Variants in ACTN3 observed in about 807,000 individuals in gnomAD.
ACTN3 encodes the protein actinin alpha 3, also known as alpha-actinin-3.
A neutral mutation model predicts 119.6 loss-of-function variants in ACTN3; 91 were observed. That is an observed-to-expected ratio of 0.76 (90% CI 0.64 to 0.91). ACTN3 has a LOEUF of 0.91. Ranked by LOEUF, ACTN3 falls within the 40% of genes least tolerant of loss-of-function variation. ACTN3 has a pLI of 0.00. For synonymous variants in ACTN3, 456 were observed against 478.8 expected, an observed-to-expected ratio of 0.95 and a Z score of 0.62; for missense variants, 1,221 against 1,215.1, an observed-to-expected ratio of 1.00 and a Z score of -0.07.
At chr11:66,561,884 G>T in intron 17 of ACTN3, 138 bp from the exon 18 acceptor site, 1 of 1,120,906 alleles carries the variant, frequency 8.9e-7, no homozygotes, top group Non-Finnish European at 1.3e-6. Flanking sequence ...GGGTTACTCA[G>T]TGGAGCCTCC....
intron 14 of ACTN3, 26 bp downstream of exon 14, chr11:66,560,337 G>C (rs1291896452): frequency 1.2e-6 from 2 of 1,602,232 alleles, no homozygotes; most frequent in Admixed American, 3.4e-5. Context: ...GCAGGGGATG[G>C]ATAGGATGAC....
At chr11:66,546,671 G>A (rs770190734), upstream of ACTN3, 7 of 1,532,070 alleles carry the variant, frequency 4.6e-6, no homozygotes, top group South Asian at 8.3e-5. Context: ...GATTTCTCAA[G>A]GTCACACAGC....
At chr11:66,559,609 G>C (rs1156843302) in intron 12 of ACTN3, among the ~76,000 whole-genome samples, 1 of 144,338 alleles carries the variant, frequency 6.9e-6, no homozygotes, top group African/African-American at 2.6e-5. Context: ...CGCTTGACCT[G>C]TCTCACTCCG....
At position 66,562,278 on chromosome 11, in the gene ACTN3, C is replaced by T; in HGVS notation, c.2344C>T (p.Pro782Ser). The T allele has an allele frequency of 1.2e-6, 2 of 1,613,686 alleles. No homozygotes were observed. Among genetic ancestry groups the T allele is most frequent in the Non-Finnish European group, 1.7e-6 (2 of 1,179,860 alleles). Residue 782 changes from proline (P) to serine (S), a missense_variant, in exon 19 of 21, where the codon CCT becomes TCT. Transcript: ENST00000513398. ...ACAGAAGCAGAATGGGATGATGGAG[C>T]CTGATGACTTCCGAGCTTGCCTCAT... The part of the protein sequence containing the change: ...FDRKQNGMME[P>S]DDFRACLISM...
Position 66,557,053 on chromosome 11 carries a change from G to T in ACTN3, c.805-80G>T, listed in dbSNP as rs191338154. 3,572 of 1,306,462 alleles carry T rather than the reference G, an allele frequency of 2.7e-3. 9 individuals carry two copies. The highest frequency in any genetic ancestry group is 6.3e-3 in the Admixed American group (299 of 47,752). The allele number at this position is 1,306,462 out of a possible 1,614,324, so 80.9% of individuals were successfully genotyped here. A position where few individuals can be genotyped will look rare whatever the true frequency, so the allele number is the denominator to read the frequency against. The stretch of plus-strand genomic sequence containing the variant: ...TGGGATTACAGGCGTGAGCCACCGC[G>T]CTCGGCGGGGCTCTGGGTTTTAAGG... On this transcript the variant is annotated intron_variant, in intron 8 of 20. Transcript: ENST00000513398.
chr11:66,559,509 C>T (rs1857692135), intron 12 of ACTN3, 123 bp downstream of exon 12: 5 of 1,030,874 alleles, frequency 4.9e-6, no homozygotes, highest in Middle Eastern at 3.2e-4. Context: ...GTAACCCCGC[C>T]GTGGTACCCA....
chr11:66,556,294 C>A, intron 8 of ACTN3, 64 bp downstream of exon 8: 5 of 1,533,920 alleles, frequency 3.3e-6, no homozygotes, highest in Non-Finnish European at 4.5e-6. Flanking sequence ...TGGCTGTAGT[C>A]CAACATTGGA....
intron 3 of ACTN3, among the ~76,000 whole-genome samples, chr11:66,551,911 A>C (rs1420908761): frequency 3.3e-5 from 5 of 151,996 alleles, no homozygotes; most frequent in Admixed American, 3.3e-4. Context: ...CCCTATTTCT[A>C]CTAAAAATAC....
At chr11:66,552,880 TCA>T (rs4013815) in intron 3 of ACTN3, among the ~76,000 whole-genome samples, 12,418 of 114,100 alleles carry the variant, frequency 0.11, 623 homozygotes, top group African/African-American at 0.17. Flanking sequence ...TCTCTCTCTC[TCA>T]CACACACACA....
rs775568184 is a variant in ACTN3 at position 66,562,836 on chromosome 11, C to G, written c.2429C>G (p.Pro810Arg). The change falls in exon 20 of 21, where the codon CCC becomes CGC. Residue 810 changes from proline (P) to arginine (R), a missense_variant. By Grantham distance (103) the Pro-to-Arg change is moderately radical (BLOSUM62 -2). This residue lies in a region of ACTN3 where 934 missense variants were observed against 899.9 expected (regional missense o/e 1.04). Transcript: ENST00000513398. The stretch of plus-strand genomic sequence containing the variant: ...GCTCGCATCATGACCATGGTGGACC[C>G]CAACGCAGCTGGGGTGGTGACCTTC... ...EFARIMTMVD[P>R]NAAGVVTFQA... is the part of the protein sequence containing the mutation. 3 of 1,613,650 alleles carry G rather than the reference C, an allele frequency of 1.9e-6. No homozygotes were observed. Among genetic ancestry groups the G allele is most frequent in the South Asian group, 2.2e-5 (2 of 91,054 alleles).
Position 66,563,314 on chromosome 11 carries a change from C to A in ACTN3, c.*121C>A. 7.9e-7 allele frequency: 1 copy of A among 1,266,788 alleles called. No individual in the cohort carries two copies. The highest frequency in any genetic ancestry group is 1.1e-6 in the Non-Finnish European group (1 of 944,088). The allele number at this position is 1,266,788 out of a possible 1,614,324, so 78.5% of individuals were successfully genotyped here. A position where few individuals can be genotyped will look rare whatever the true frequency, so the allele number is the denominator to read the frequency against. ...CAGCCAAGTGCTTCTGAATAAAGAT[C>A]CCTCTCTGGGTCTCTCCCCATCTCC... On this transcript the variant is annotated 3_prime_UTR_variant, in exon 21 of 21. Transcript: ENST00000513398.
At chr11:66,548,036 CA>C (rs1857398377) in intron 1 of ACTN3, among the ~76,000 whole-genome samples, 1 of 152,154 alleles carries the variant, frequency 6.6e-6, no homozygotes. Context: ...ACTATGAGGC[CA>C]TTGGACCCTG....
chr11:66,557,086 A>G (rs964072661), intron 8 of ACTN3, 47 bp from the exon 9 acceptor site: 1 of 1,530,882 alleles, frequency 6.5e-7, no homozygotes, highest in Non-Finnish European at 8.8e-7. Context: ...AGGGCTTTAC[A>G]GAAGCAATTT....
chr11:66,563,328 C>T lies in ACTN3; in HGVS notation c.*135C>T, dbSNP rs931011277. 1.8e-6 allele frequency: 2 copies of T among 1,128,304 alleles called. No homozygotes were observed. The highest frequency in any genetic ancestry group is 3.1e-5 in the African/African-American group (2 of 63,698). 69.9% of individuals were successfully genotyped at this position (1,128,304 alleles called of 1,614,324 possible). A position where few individuals can be genotyped will look rare whatever the true frequency, so the allele number is the denominator to read the frequency against. ...TGAATAAAGATCCCTCTCTGGGTCT[C>T]TCCCCATCTCCTTTTAGTTCCTGAA... On this transcript the variant is annotated 3_prime_UTR_variant, in exon 21 of 21. Coordinates refer to ENST00000513398, the MANE Select transcript of ACTN3 (RefSeq NM_001104.4).
At chr11:66,556,023 T>G in intron 7 of ACTN3, 122 bp from the exon 8 acceptor site, 1 of 829,722 alleles carries the variant, frequency 1.2e-6, no homozygotes, top group Non-Finnish European at 1.9e-6. Context: ...GACACTGGGC[T>G]TGGGTGGCTG....
chr11:66,551,196 C>G (rs1174321511), intron 1 of ACTN3, 43 bp from the exon 2 acceptor site: 1 of 1,428,814 alleles, frequency 7.0e-7, no homozygotes, highest in Non-Finnish European at 9.7e-7. Context: ...CCTACATCCC[C>G]CAGAGCCAGT....
At position 66,550,521 on chromosome 11, in the gene ACTN3, A is replaced by G. The variant is rs150384593; in HGVS notation, c.148-718A>G. 8.4e-3 allele frequency among the ~76,000 whole-genome samples: 1,282 copies of G among 152,242 alleles called. 23 individuals are homozygous for G. Among genetic ancestry groups the G allele is most frequent in the African/African-American group, 0.029 (1,212 of 41,544 alleles). ...TGTAATCCCAACACTTTGGGAAGCCAAGGCAGGAGGATCACTTGAGCCCAG... is the reference window on the plus strand; with the variant it reads ...TGTAATCCCAACACTTTGGGAAGCCGAGGCAGGAGGATCACTTGAGCCCAG... On this transcript the variant is annotated intron_variant, in intron 1 of 20. Coordinates refer to ENST00000513398, the MANE Select transcript of ACTN3 (RefSeq NM_001104.4).
intron 1 of ACTN3, chr11:66,551,027 C>G (rs1278243518): frequency 4.5e-6 from 3 of 667,124 alleles, no homozygotes. Flanking sequence ...CTGCATGGGT[C>G]ACAGACCCCA....
chr11:66,553,846 T>C (rs1183953346), intron 3 of ACTN3, among the ~76,000 whole-genome samples, 199 bp from the exon 4 acceptor site: 1 of 119,364 alleles, frequency 8.4e-6, no homozygotes, highest in Non-Finnish European at 1.7e-5. Flanking sequence ...AGAGCGAGAC[T>C]CCATCTCAAA....
Sources: allele counts gnomAD v4.1 joint callset (sites outside exome capture counted in the v4.1 genomes callset), GRCh38; gene constraint gnomAD v4.1.1; regional missense constraint gnomAD v4.1.1; transcripts MANE v1.5; gene names NCBI Gene and HGNC (gene_info 2026-07-23, HGNC 2026-07-21).